Variants in DCLK1 observed in about 807,000 individuals in gnomAD.
DCLK1 encodes serine/threonine-protein kinase DCLK1.
A neutral mutation model predicts 86.2 loss-of-function variants in DCLK1; 16 were observed. The observed-to-expected ratio is 0.19, with a 90% CI of 0.13 to 0.28. DCLK1 has a LOEUF of 0.28. DCLK1 is among the 10% of genes least tolerant of loss of function. The pLI is 1.00. For missense variants in DCLK1, 590 were observed against 940.2 expected, an observed-to-expected ratio of 0.63 and a Z score of 4.87; for synonymous variants, 369 against 370.5, an observed-to-expected ratio of 1.00 and a Z score of 0.05.
intron 3 of DCLK1, among the ~76,000 whole-genome samples, chr13:36,060,892 G>A (rs1883517927): frequency 6.6e-6 from 1 of 152,146 alleles, no homozygotes; most frequent in Non-Finnish European, 1.5e-5. Context: ...CGTGTCTGCA[G>A]GAATGATCCA....
intron 4 of DCLK1, among the ~76,000 whole-genome samples, chr13:35,909,547 G>A (rs900392311): frequency 3.3e-5 from 5 of 151,558 alleles, no homozygotes; most frequent in Admixed American, 6.6e-5. Flanking sequence ...AGAAATGGCC[G>A]GAACACTGTA....
chr13:35,773,229 C>T lies in DCLK1; in HGVS notation c.*1306G>A, dbSNP rs183810515. On this transcript the variant is annotated 3_prime_UTR_variant, in exon 17 of 17. Coordinates refer to ENST00000360631, the MANE Select transcript of DCLK1 (RefSeq NM_001330071.2). ...CAAGAGTGAAAATACAGGTCTCAGA[C>T]AGGACTTGGCCCAAAGACAGAAAAA... 1 of 152,592 alleles carries T rather than the reference C, an allele frequency of 6.6e-6. No individual in the cohort carries two copies. The highest frequency in any genetic ancestry group is 2.4e-5 in the African/African-American group (1 of 41,490). 9.5% of individuals were successfully genotyped at this position (152,592 alleles called of 1,614,324 possible).
chr13:35,905,477 A>G (rs1874637224), intron 4 of DCLK1, among the ~76,000 whole-genome samples: 1 of 152,208 alleles, frequency 6.6e-6, no homozygotes, highest in South Asian at 2.1e-4. Context: ...TCACTTCCAC[A>G]AGGTCAAAGC....
chr13:35,814,254 C>G (rs1383322916), intron 11 of DCLK1, among the ~76,000 whole-genome samples: 1 of 152,172 alleles, frequency 6.6e-6, no homozygotes, highest in Non-Finnish European at 1.5e-5. Flanking sequence ...CCATTTAAAG[C>G]CTGCACGCGC....
chr13:36,070,647 T>TC (rs1006341536), intron 3 of DCLK1, among the ~76,000 whole-genome samples: 1 of 151,552 alleles, frequency 6.6e-6, no homozygotes, highest in Non-Finnish European at 1.5e-5. Flanking sequence ...TAACTTAATT[T>TC]TTTTTCTTTT....
intron 3 of DCLK1, among the ~76,000 whole-genome samples, chr13:36,008,430 G>T (rs1169905752): frequency 2.0e-5 from 2 of 97,682 alleles, no homozygotes; most frequent in African/African-American, 8.5e-5. Context: ...GTGTCCATGT[G>T]ATCTCATTGT....
At chr13:35,831,453 C>T (rs951729259) in intron 8 of DCLK1, among the ~76,000 whole-genome samples, 2 of 152,078 alleles carry the variant, frequency 1.3e-5, no homozygotes, top group South Asian at 2.1e-4. Flanking sequence ...GGCAAGAAAT[C>T]GAATCTTATA....
chr13:35,825,005 C>G (rs772230141), intron 10 of DCLK1, among the ~76,000 whole-genome samples: 1 of 152,170 alleles, frequency 6.6e-6, no homozygotes, highest in Non-Finnish European at 1.5e-5. Context: ...AGCTCCTCCA[C>G]GAGGCCTGCC....
intron 3 of DCLK1, among the ~76,000 whole-genome samples, chr13:35,964,835 T>C (rs35200353): frequency 0.011 from 1,588 of 147,276 alleles, 17 homozygotes; most frequent in African/African-American, 0.037. Context: ...CAGGTAAAAA[T>C]GGTAGGAAAT....
chr13:35,799,547 G>A (rs1386183439), intron 15 of DCLK1, among the ~76,000 whole-genome samples: 3 of 151,982 alleles, frequency 2.0e-5, no homozygotes, highest in East Asian at 1.9e-4. Context: ...CACTGCACCT[G>A]GCCCTCAGTT....
Position 35,836,072 on chromosome 13 carries a change from C to A in DCLK1, c.1190G>T (p.Gly397Val). 6.2e-7 allele frequency: 1 copy of A among 1,613,678 alleles called. No individual in the cohort carries two copies. The highest frequency in any genetic ancestry group is 8.5e-7 in the Non-Finnish European group (1 of 1,179,912). The change falls in exon 8 of 17, where the codon GGA (glycine) becomes GTA (valine). Residue 397 changes from glycine to valine, a missense_variant. Physicochemically the swap from Gly to Val is moderately radical, Grantham distance 109 (BLOSUM62 -3). Transcript: ENST00000360631. ...TERYKVGRTI[G>V]DGNFAVVKEC... ...CTTGACAACAGCAAAATTTCCATCT[C>A]CTATTGTTCTTCCGACTTTATATCG... is the stretch of plus-strand genomic sequence containing the variant.
chr13:35,958,956 T>G (rs866390682), intron 3 of DCLK1, among the ~76,000 whole-genome samples: 12 of 152,240 alleles, frequency 7.9e-5, no homozygotes, highest in Non-Finnish European at 1.5e-4. Flanking sequence ...TGTATTAAGA[T>G]CTAAACACAG....
intron 5 of DCLK1, among the ~76,000 whole-genome samples, chr13:35,858,053 A>G (rs1871173770): frequency 1.3e-5 from 2 of 152,216 alleles, no homozygotes; most frequent in Non-Finnish European, 2.9e-5. Context: ...CAGGCGCCAC[A>G]GGATCAGGCT....
intron 1 of DCLK1, among the ~76,000 whole-genome samples, chr13:36,128,321 T>A (rs963635535): frequency 1.3e-5 from 2 of 152,200 alleles, no homozygotes; most frequent in African/African-American, 4.8e-5. Flanking sequence ...CAGGTGAATA[T>A]GGAATTTATC....
intron 3 of DCLK1, among the ~76,000 whole-genome samples, chr13:36,105,528 G>T (rs190293131): frequency 4.6e-4 from 70 of 152,234 alleles, no homozygotes; most frequent in Middle Eastern, 6.8e-3. Context: ...CCAATAGGAG[G>T]ATAAATTTCA....
intron 4 of DCLK1, among the ~76,000 whole-genome samples, chr13:35,899,338 A>AGT (rs755180041): frequency 0.11 from 15,481 of 143,390 alleles, 915 homozygotes; most frequent in Non-Finnish European, 0.14. Flanking sequence ...GAGAAATACA[A>AGT]GTGTGTGTGT....
intron 3 of DCLK1, among the ~76,000 whole-genome samples, chr13:36,027,220 TC>T (rs973736298): frequency 6.6e-6 from 1 of 152,136 alleles, no homozygotes; most frequent in Non-Finnish European, 1.5e-5. Flanking sequence ...ATGAAACTGT[TC>T]CGCCTCAGAT....
chr13:35,962,694 T>A (rs981042120), intron 3 of DCLK1, among the ~76,000 whole-genome samples: 7 of 152,226 alleles, frequency 4.6e-5, no homozygotes, highest in African/African-American at 1.4e-4. Flanking sequence ...CCATTGAGCT[T>A]AGTTAAGTTT....
At chr13:35,817,049 T>C (rs1408926527) in intron 11 of DCLK1, among the ~76,000 whole-genome samples, 1 of 152,192 alleles carries the variant, frequency 6.6e-6, no homozygotes, top group Non-Finnish European at 1.5e-5. Flanking sequence ...GCCATCATTG[T>C]ATGTTATTTT....
Sources: allele counts gnomAD v4.1 joint callset (sites outside exome capture counted in the v4.1 genomes callset), GRCh38; gene constraint gnomAD v4.1.1; transcripts MANE v1.5; gene names NCBI Gene and HGNC (gene_info 2026-07-23, HGNC 2026-07-21).